TRIM34: variants seen among roughly 807,000 people sequenced by gnomAD.
TRIM34 encodes tripartite motif containing 34, also known as E3 ubiquitin-protein ligase TRIM34.
A neutral mutation model predicts 38.1 loss-of-function variants in TRIM34; 41 were observed. The ratio of observed to expected loss-of-function variants is 1.08; its 90% CI spans 0.84 to 1.40. TRIM34 has a LOEUF of 1.40. Among genes scored for constraint, TRIM34 ranks in the 40% most tolerant of loss-of-function variants. The probability of loss-of-function intolerance (pLI) is 0.00; values close to 1 mark genes in which losing one functional copy is unlikely to be tolerated. For missense variants in TRIM34, 556 were observed against 571.4 expected (o/e 0.97, Z 0.27); for synonymous variants, 200 against 202.5 (o/e 0.99, Z 0.10).
At chr11:5,642,549 G>A in intron 6 of TRIM34, 43 bp downstream of exon 6, 1 of 1,604,628 alleles carries the variant, frequency 6.2e-7, no homozygotes, top group Non-Finnish European at 8.5e-7. Flanking sequence ...GGATTGTTGT[G>A]GTGTCAGGTA....
At chr11:5,635,625 T>C (rs1232791583) in intron 4 of TRIM34, among the ~76,000 whole-genome samples, 1 of 152,144 alleles carries the variant, frequency 6.6e-6, no homozygotes, top group Non-Finnish European at 1.5e-5. Flanking sequence ...TGGACAAATA[T>C]ATAGACAGAC....
intron 5 of TRIM34, among the ~76,000 whole-genome samples, chr11:5,641,757 C>T (rs1452085751): frequency 6.6e-6 from 1 of 152,174 alleles, no homozygotes; most frequent in Non-Finnish European, 1.5e-5. Flanking sequence ...AAGTGTAGTC[C>T]TTGTTCCTTG....
intron 4 of TRIM34, 47 bp downstream of exon 4, chr11:5,634,908 CTGTGTCCT>C: frequency 6.3e-7 from 1 of 1,581,870 alleles, no homozygotes; most frequent in Non-Finnish European, 8.6e-7. Context: ...CAGTTCCCTC[CTGTGTCCT>C]TGCGTTCTCA....
chr11:5,642,932 T>A, intron 7 of TRIM34, 89 bp downstream of exon 7: 1 of 1,561,356 alleles, frequency 6.4e-7, no homozygotes, highest in Non-Finnish European at 8.7e-7. Flanking sequence ...CTTAGCCTCA[T>A]GCATTCTCAG....
At chr11:5,630,370 T>A (rs976350259) in intron 1 of TRIM34, among the ~76,000 whole-genome samples, 2 of 152,128 alleles carry the variant, frequency 1.3e-5, no homozygotes, top group African/African-American at 4.8e-5. Flanking sequence ...CATCTGCTTC[T>A]CTCTGTTAAC....
intron 1 of TRIM34, among the ~76,000 whole-genome samples, chr11:5,625,697 T>C (rs940518365): frequency 3.0e-5 from 4 of 134,350 alleles, no homozygotes; most frequent in Admixed American, 7.4e-5. Flanking sequence ...GTTCCCTCTG[T>C]TCCTATGTCT....
At chr11:5,630,696 A>G (rs1160755183) in intron 1 of TRIM34, among the ~76,000 whole-genome samples, 1 of 152,190 alleles carries the variant, frequency 6.6e-6, no homozygotes, top group East Asian at 1.9e-4. Flanking sequence ...TATCTTGGAT[A>G]GTTCTCTATT....
chr11:5,634,429 A>T (rs1222754409), intron 3 of TRIM34, among the ~76,000 whole-genome samples: 1 of 150,258 alleles, frequency 6.7e-6, no homozygotes, highest in Non-Finnish European at 1.5e-5. Context: ...TGCTGATTTG[A>T]ACTCCCTGAA....
chr11:5,623,448 A>C (rs1590147992), upstream of TRIM34, among the ~76,000 whole-genome samples: 1 of 151,180 alleles, frequency 6.6e-6, no homozygotes. Flanking sequence ...GCTCACTGCA[A>C]CCTCCGCCTC....
chr11:5,643,519 T>C lies in TRIM34; in HGVS notation c.1277T>C (p.Met426Thr), dbSNP rs1850116762. The C allele has an allele frequency of 1.2e-6, 2 of 1,614,224 alleles. No individual in the cohort carries two copies. Among genetic ancestry groups the C allele is most frequent in the African/African-American group, 1.3e-5 (1 of 75,064 alleles). The change falls in exon 8 of 8, where the codon ATG becomes ACG. Residue 426 changes from methionine (M) to threonine (T), a missense_variant. By Grantham distance (81) the Met-to-Thr change is moderately conservative. Transcript: ENST00000429814. ...SSDPEVLTLS[M>T]AVPPCRVGVF... ...GATCCCGAGGTTTTGACTCTCTCCA[T>C]GGCTGTGCCTCCCTGCCGTGTTGGG...
rs1849529378 is a variant in TRIM34 at position 5,632,628 on chromosome 11, T to C, written c.297T>C (p.His99=). The C allele has an allele frequency of 6.2e-7, 1 of 1,613,150 alleles. No homozygotes were observed. Among genetic ancestry groups the C allele is most frequent in the East Asian group, 2.2e-5 (1 of 44,820 alleles). Residue 99 remains histidine, a synonymous_variant, in exon 2 of 8, where the codon CAT becomes CAC. Coordinates refer to ENST00000429814, the MANE Select transcript of TRIM34 (RefSeq NM_021616.6). ...GGAAGAAGAGAGATCTCTGTGATCA[T>C]CATGGAGAGAAACTCCTACTCTTCT... ...DNGKKRDLCD[H]HGEKLLLFCK... is the part of the protein sequence containing the mutation.
chr11:5,622,186 C>T (rs1245832522), upstream of TRIM34, among the ~76,000 whole-genome samples: 1 of 152,092 alleles, frequency 6.6e-6, no homozygotes, highest in Non-Finnish European at 1.5e-5. Context: ...TGGCTCACAC[C>T]TGTAATCCCA....
At chr11:5,632,802 G>A in intron 2 of TRIM34, 48 bp downstream of exon 2, 1 of 1,422,944 alleles carries the variant, frequency 7.0e-7, no homozygotes, top group South Asian at 1.5e-5. Flanking sequence ...GTAGTTGGTG[G>A]AAAATCTCAC....
intron 4 of TRIM34, among the ~76,000 whole-genome samples, chr11:5,638,479 C>T (rs904071115): frequency 1.4e-5 from 2 of 147,738 alleles, no homozygotes; most frequent in African/African-American, 5.0e-5. Flanking sequence ...TTTGGTTGTA[C>T]ACCAGCTGGT....
At chr11:5,627,889 T>C (rs1320516333) in intron 1 of TRIM34, among the ~76,000 whole-genome samples, 1 of 152,236 alleles carries the variant, frequency 6.6e-6, no homozygotes, top group Non-Finnish European at 1.5e-5. Flanking sequence ...AATTTTACTA[T>C]CTACCTGCAG....
rs1401772899 is a variant in TRIM34 at position 5,643,559 on chromosome 11, T to C, written c.1317T>C (p.Tyr439=). 1 of 1,614,222 alleles carries C rather than the reference T, an allele frequency of 6.2e-7. No individual in the cohort carries two copies. The highest frequency in any genetic ancestry group is 2.2e-5 in the East Asian group (1 of 44,884). ...PPCRVGVFLD[Y]EAGIVSFFNV... is the part of the protein sequence containing the mutation. ...GCCGTGTTGGGGTTTTCCTCGACTATGAAGCAGGCATTGTCTCATTTTTCA... is the reference window on the plus strand; with the variant it reads ...GCCGTGTTGGGGTTTTCCTCGACTACGAAGCAGGCATTGTCTCATTTTTCA... Residue 439 remains tyrosine (Y), a synonymous_variant, in exon 8 of 8, where the codon TAT becomes TAC. Transcript: ENST00000429814.
chr11:5,631,453 A>G (rs1849478316), intron 1 of TRIM34, among the ~76,000 whole-genome samples: 1 of 152,220 alleles, frequency 6.6e-6, no homozygotes, highest in Non-Finnish European at 1.5e-5. Context: ...ATTCATCTGA[A>G]GAAAGGGAGT....
At chr11:5,638,958 G>A (rs1387636964) in intron 4 of TRIM34, among the ~76,000 whole-genome samples, 1 of 152,088 alleles carries the variant, frequency 6.6e-6, no homozygotes, top group South Asian at 2.1e-4. Flanking sequence ...GCCTTCACGT[G>A]GGAGTGCACC....
chr11:5,632,238 C>T lies in TRIM34; in HGVS notation c.-77-17C>T. On this transcript the variant is annotated splice_polypyrimidine_tract_variant and intron_variant, in intron 1 of 7. Transcript: ENST00000429814. ...TATTTGTACCATTCTTATACCATCC[C>T]CTTTCAATCTTCTCAGCCATCCAGG... The T allele has an allele frequency of 6.3e-7, 1 of 1,580,542 alleles. No individual in the cohort carries two copies. The highest frequency in any genetic ancestry group is 8.6e-7 in the Non-Finnish European group (1 of 1,167,094).
Sources: allele counts gnomAD v4.1 joint callset (sites outside exome capture counted in the v4.1 genomes callset), GRCh38; gene constraint gnomAD v4.1.1; transcripts MANE v1.5; gene names NCBI Gene and HGNC (gene_info 2026-07-23, HGNC 2026-07-21).